RGS17: variants seen among roughly 807,000 people sequenced by gnomAD.
RGS17 encodes the protein regulator of G-protein signaling 17.
A neutral mutation model predicts 25.5 loss-of-function variants in RGS17; 12 were observed. The ratio of observed to expected loss-of-function variants is 0.47; its 90% CI spans 0.30 to 0.76. RGS17 has a LOEUF of 0.76. RGS17 is among the 30% of genes least tolerant of loss of function. The pLI is 0.07. For synonymous variants in RGS17, 71 were observed against 76.9 expected (o/e 0.92, Z 0.40); for missense variants, 196 against 242.2 (o/e 0.81, Z 1.27).
Position 153,011,582 on chromosome 6 carries a change from C to T in RGS17, c.625G>A (p.Glu209Lys), listed in dbSNP as rs1584116096. The T allele has an allele frequency of 6.2e-7, 1 of 1,600,096 alleles. No individual in the cohort carries two copies. The highest frequency in any genetic ancestry group is 2.2e-5 in the East Asian group (1 of 44,740). Residue 209 changes from glutamate to lysine, a missense_variant, in exon 5 of 5, where the codon GAA becomes AAA. Coordinates refer to ENST00000206262, the MANE Select transcript of RGS17 (RefSeq NM_012419.5). ...TTGTTTTTAAATGAACATTAAGATT[C>T]AGAAGAAGAGCCAGCAGTACTTTCA... ...FVESTAGSSSES is the reference protein window; with the variant it reads ...FVESTAGSSSKS
intron 2 of RGS17, among the ~76,000 whole-genome samples, chr6:153,028,517 A>G (rs1156987766): frequency 2.0e-5 from 3 of 152,180 alleles, no homozygotes; most frequent in Non-Finnish European, 2.9e-5. Context: ...AGGCCAGATA[A>G]GTATTTTAGA....
At chr6:153,108,057 T>C (rs1777411301) in intron 1 of RGS17, among the ~76,000 whole-genome samples, 1 of 152,168 alleles carries the variant, frequency 6.6e-6, no homozygotes, top group Admixed American at 6.5e-5. Context: ...TTCATGTCAG[T>C]TATGGGGCAA....
At chr6:153,087,875 A>C (rs1777073219) in intron 1 of RGS17, among the ~76,000 whole-genome samples, 1 of 152,212 alleles carries the variant, frequency 6.6e-6, no homozygotes, top group Non-Finnish European at 1.5e-5. Context: ...CCCTGCCTTC[A>C]AGTATTCCAC....
rs1240484355 is a variant in RGS17, at chr6:153,005,747, A to C, written c.*5827T>G. The C allele has an allele frequency of 2.0e-5, 3 of 152,290 alleles. No homozygotes were observed. Among genetic ancestry groups the C allele is most frequent in the South Asian group, 4.1e-4 (2 of 4,830 alleles). 9.4% of individuals were successfully genotyped at this position (152,290 alleles called of 1,614,324 possible). ...CTCAAAACTGTCATCAAAAACAAGG[A>C]AAGTTGCAGAAACTGTCACAGCCAA... is the stretch of plus-strand genomic sequence containing the variant. On this transcript the variant is annotated 3_prime_UTR_variant, in exon 5 of 5. Transcript: ENST00000206262.
intron 1 of RGS17, among the ~76,000 whole-genome samples, chr6:153,057,754 C>T (rs1179264052): frequency 1.3e-5 from 2 of 152,190 alleles, no homozygotes; most frequent in Non-Finnish European, 2.9e-5. Context: ...TGCAACTAGA[C>T]ACTCCCATCT....
chr6:153,107,622 A>C (rs1441152737), intron 1 of RGS17, among the ~76,000 whole-genome samples: 1 of 152,148 alleles, frequency 6.6e-6, no homozygotes, highest in African/African-American at 2.4e-5. Flanking sequence ...TGGTAATGAA[A>C]TTTTAACTCC....
chr6:153,098,122 G>A (rs1299096745), intron 1 of RGS17, among the ~76,000 whole-genome samples: 2 of 152,110 alleles, frequency 1.3e-5, no homozygotes, highest in South Asian at 2.1e-4. Flanking sequence ...CAGAAAAGAG[G>A]GTGGATGTAC....
chr6:153,100,601 G>T (rs1464007796), intron 1 of RGS17, among the ~76,000 whole-genome samples: 1 of 152,150 alleles, frequency 6.6e-6, no homozygotes, highest in Non-Finnish European at 1.5e-5. Context: ...ATATATCTAA[G>T]AATTATTGCT....
At chr6:153,111,266 C>T (rs577503651) in intron 1 of RGS17, among the ~76,000 whole-genome samples, 2 of 152,232 alleles carry the variant, frequency 1.3e-5, no homozygotes, top group South Asian at 2.1e-4. Context: ...GAGGGGCGTC[C>T]GCCATTACTG....
At chr6:153,100,088 A>T (rs780798255) in intron 1 of RGS17, among the ~76,000 whole-genome samples, 90 of 152,216 alleles carry the variant, frequency 5.9e-4, no homozygotes, top group Non-Finnish European at 9.0e-4. Context: ...AGACTTAATA[A>T]ATAAAGAAGC....
chr6:153,089,808 T>C (rs575968475), intron 1 of RGS17, among the ~76,000 whole-genome samples: 6 of 152,206 alleles, frequency 3.9e-5, no homozygotes, highest in Non-Finnish European at 7.3e-5. Context: ...AATATAAGTA[T>C]ATATAATTTT....
rs951398669 is a variant in RGS17, at chr6:153,130,163, G to A, written c.-26+961C>T. 6.6e-6 allele frequency among the ~76,000 whole-genome samples: 1 copy of A among 152,196 alleles called. No homozygotes were observed. The highest frequency in any genetic ancestry group is 6.5e-5 in the Admixed American group (1 of 15,282). On this transcript the variant is annotated intron_variant, in intron 1 of 4. Coordinates refer to ENST00000206262, the MANE Select transcript of RGS17 (RefSeq NM_012419.5). The surrounding 1 kb of genome is among the most constrained non-coding windows in gnomAD (Gnocchi z 6.4). ...ATTTATTCAGGGAGACAGGGAGGCA[G>A]AGAGAAGAGGAGAAAGCGGCCGTGT...
chr6:153,117,733 C>T (rs1482043420), intron 1 of RGS17, among the ~76,000 whole-genome samples: 1 of 152,180 alleles, frequency 6.6e-6, no homozygotes, highest in African/African-American at 2.4e-5. Context: ...GCATTTACTC[C>T]ATGCCCAATA....
At chr6:153,039,183 A>G (rs1776289914) in intron 2 of RGS17, among the ~76,000 whole-genome samples, 1 of 152,158 alleles carries the variant, frequency 6.6e-6, no homozygotes, top group Non-Finnish European at 1.5e-5. Context: ...TGGACCGAAC[A>G]ACGGGACTAG....
At chr6:153,033,598 G>A (rs752230785) in intron 2 of RGS17, among the ~76,000 whole-genome samples, 3 of 152,052 alleles carry the variant, frequency 2.0e-5, no homozygotes, top group Non-Finnish European at 4.4e-5. Flanking sequence ...TGCGCCTGTA[G>A]CCCCAGCTAC....
At chr6:153,095,646 T>C (rs1777198481) in intron 1 of RGS17, among the ~76,000 whole-genome samples, 1 of 152,192 alleles carries the variant, frequency 6.6e-6, no homozygotes, top group African/African-American at 2.4e-5. Context: ...ATCAAACTGG[T>C]TACCAGAATG....
chr6:153,056,523 A>G (rs1378115476), intron 1 of RGS17, among the ~76,000 whole-genome samples: 2 of 151,138 alleles, frequency 1.3e-5, no homozygotes, highest in African/African-American at 4.8e-5. Flanking sequence ...CCTCAAGCCA[A>G]GCATTCTTGA....
intron 4 of RGS17, among the ~76,000 whole-genome samples, chr6:153,015,880 C>T (rs1255928639): frequency 1.3e-5 from 2 of 152,136 alleles, no homozygotes; most frequent in Non-Finnish European, 2.9e-5. Flanking sequence ...TTCTCAATCT[C>T]CTGACCTCGT....
intron 3 of RGS17, among the ~76,000 whole-genome samples, chr6:153,025,778 G>C (rs536735897): frequency 6.8e-6 from 1 of 146,896 alleles, no homozygotes; most frequent in South Asian, 2.2e-4. Context: ...CATATATAAA[G>C]GTAAATATAT....
Sources: gnomAD v4.1 joint callset for allele counts (sites outside exome capture counted in the v4.1 genomes callset) on GRCh38, gnomAD v4.1.1 for gene constraint, Gnocchi (gnomAD v3.1) non-coding constraint, MANE v1.5 for transcripts, NCBI Gene and HGNC (gene_info 2026-07-23, HGNC 2026-07-21) for gene names.